The following PCDHGB3 variants were observed in gnomAD, a reference collection of about 807,000 sequenced individuals.
PCDHGB3 encodes the protein protocadherin gamma-B3.
PCDHGB3 carries 40 observed loss-of-function variants against 59.2 expected under a neutral mutation model. The ratio of observed to expected loss-of-function variants is 0.68; its 90% CI spans 0.52 to 0.88. The LOEUF is 0.88. PCDHGB3 is among the 40% of genes least tolerant of loss of function. The pLI, the probability that PCDHGB3 is intolerant of heterozygous loss-of-function variation, is 0.00. For missense variants in PCDHGB3, 1,309 were observed against 1,187.9 expected (o/e 1.10, Z -1.50); for synonymous variants, 581 against 503.6 (o/e 1.15, Z -2.06).
chr5:141,404,572 A>G (rs755182149), intron 1 of PCDHGB3: 79 of 1,613,728 alleles, frequency 4.9e-5, no homozygotes, highest in Non-Finnish European at 6.0e-5. Context: ...GTGGAAGCCC[A>G]CCACTTAGCA....
At chr5:141,492,240 C>T (rs1031016944) in intron 1 of PCDHGB3, among the ~76,000 whole-genome samples, 1 of 152,242 alleles carries the variant, frequency 6.6e-6, no homozygotes, top group African/African-American at 2.4e-5. Flanking sequence ...CTGCTGGCCA[C>T]CCCCACGGCC....
At chr5:141,505,554 C>T in intron 3 of PCDHGB3, 73 bp downstream of exon 3, 1 of 1,606,130 alleles carries the variant, frequency 6.2e-7, no homozygotes, top group Non-Finnish European at 8.5e-7. Context: ...AGCCACCATG[C>T]CCACGGACTG....
intron 1 of PCDHGB3, chr5:141,385,051 C>A (rs1222079447): frequency 6.2e-7 from 1 of 1,614,154 alleles, no homozygotes; most frequent in East Asian, 2.2e-5. Flanking sequence ...CAGGCTGCGG[C>A]GCTGGCACAA....
At chr5:141,426,004 C>T (rs573455573) in intron 1 of PCDHGB3, among the ~76,000 whole-genome samples, 10 of 152,264 alleles carry the variant, frequency 6.6e-5, no homozygotes, top group Non-Finnish European at 8.8e-5. Flanking sequence ...CAAAGGCTTC[C>T]GGCTGCAGTT....
intron 2 of PCDHGB3, among the ~76,000 whole-genome samples, chr5:141,495,430 C>A (rs1189953474): frequency 6.6e-6 from 1 of 152,220 alleles, no homozygotes; most frequent in Non-Finnish European, 1.5e-5. Context: ...TCCCACTGTC[C>A]TCTGCCCCTA....
intron 1 of PCDHGB3, chr5:141,393,857 C>G (rs753457502): frequency 6.8e-6 from 11 of 1,613,978 alleles, no homozygotes; most frequent in Non-Finnish European, 9.3e-6. Flanking sequence ...CAGAAGTGAT[C>G]ATTACGTCTT....
At chr5:141,376,448 G>T (rs771215693) in intron 1 of PCDHGB3, 1 of 1,614,174 alleles carries the variant, frequency 6.2e-7, no homozygotes, top group Non-Finnish European at 8.5e-7. Flanking sequence ...TGAGAAAAGC[G>T]AGCCTCTTCT....
chr5:141,455,725 C>T (rs1001661569), intron 1 of PCDHGB3, among the ~76,000 whole-genome samples: 4 of 152,136 alleles, frequency 2.6e-5, no homozygotes, highest in South Asian at 2.1e-4. Context: ...TAATGGCCTG[C>T]ATTTGCATAT....
At chr5:141,466,709 T>C (rs2099127779) in intron 1 of PCDHGB3, among the ~76,000 whole-genome samples, 1 of 152,212 alleles carries the variant, frequency 6.6e-6, no homozygotes, top group Non-Finnish European at 1.5e-5. Flanking sequence ...TGATGTCTGT[T>C]CTTGTTTCCA....
intron 1 of PCDHGB3, chr5:141,384,038 G>C (rs1779701578): frequency 6.2e-7 from 1 of 1,613,110 alleles, no homozygotes; most frequent in East Asian, 2.2e-5. Flanking sequence ...GGAAAGAATG[G>C]TGAGGTGACC....
In PCDHGB3 at chr5:141,476,288, C is replaced by A. The variant is rs1446743849; in HGVS notation, c.2416-18519C>A. 3.1e-6 allele frequency: 5 copies of A among 1,613,980 alleles called. No homozygotes were observed. The highest frequency in any genetic ancestry group is 3.4e-6 in the Non-Finnish European group (4 of 1,180,026). ...CGTGGTCGCGAACCTTGGTTTGGAT[C>A]TCGGTAGCCTCTCAGCCCGCAGGTT... On this transcript the variant is annotated intron_variant, in intron 1 of 3. Coordinates refer to ENST00000576222, the MANE Select transcript of PCDHGB3 (RefSeq NM_018924.5). This position sits in a 1 kb window ranked among gnomAD's most constrained non-coding sequence, Gnocchi z 7.6.
rs1187424114 is a variant in PCDHGB3, at chr5:141,485,341, G to A, written c.2416-9466G>A. On this transcript the variant is annotated intron_variant, in intron 1 of 3. Transcript: ENST00000576222. The surrounding 1 kb of genome is among the most constrained non-coding windows in gnomAD (Gnocchi z 5.7). ...TCGCTCAAGATTTCCTGCTGGATAC[G>A]GACAGTCTGTCAGCTCGCAGGCTGC... 2 of 1,614,118 alleles carry A rather than the reference G, an allele frequency of 1.2e-6. No individual in the cohort carries two copies. The highest frequency in any genetic ancestry group is 1.7e-5 in the Admixed American group (1 of 60,018).
In PCDHGB3 at chr5:141,432,296, G is replaced by A. The variant is rs895669878; in HGVS notation, c.2415+59487G>A. The A allele has an allele frequency of 2.5e-6, 4 of 1,614,106 alleles. No homozygotes were observed. The highest frequency in any genetic ancestry group is 1.1e-5 in the South Asian group (1 of 91,082). The stretch of plus-strand genomic sequence containing the variant: ...CGTGTCCATCAACTCCGACACTGGG[G>A]TACTGTATGCGCTGAGCTCCTTCGA... On this transcript the variant is annotated intron_variant, in intron 1 of 3. Transcript: ENST00000576222. The surrounding 1 kb of genome is among the most constrained non-coding windows in gnomAD (Gnocchi z 6.0).
intron 1 of PCDHGB3, chr5:141,427,830 C>T (rs749612858): frequency 7.8e-6 from 12 of 1,538,204 alleles, no homozygotes; most frequent in African/African-American, 1.4e-5. Flanking sequence ...GGTCGCGCAG[C>T]GTGCCTTCGA....
chr5:141,438,635 T>C (rs1325567714), intron 1 of PCDHGB3, among the ~76,000 whole-genome samples: 9 of 33,420 alleles, frequency 2.7e-4, no homozygotes, highest in East Asian at 1.8e-3. Flanking sequence ...TATATATATA[T>C]ACACACACAC....
chr5:141,392,766 C>A, intron 1 of PCDHGB3: 1 of 1,489,084 alleles, frequency 6.7e-7, no homozygotes, highest in South Asian at 1.4e-5. Flanking sequence ...AAATAAGACC[C>A]ATTTATGCAC....
intron 1 of PCDHGB3, among the ~76,000 whole-genome samples, chr5:141,456,244 T>C (rs1382294283): frequency 6.6e-6 from 1 of 152,144 alleles, no homozygotes; most frequent in East Asian, 1.9e-4. Context: ...GTTAGGAGGC[T>C]TTGGGCGACC....
At chr5:141,375,915 C>A in intron 1 of PCDHGB3, 2 of 1,613,746 alleles carry the variant, frequency 1.2e-6, no homozygotes, top group South Asian at 2.2e-5. Flanking sequence ...CTGCTCAAGG[C>A]CAGCGAGCCA....
intron 1 of PCDHGB3, chr5:141,382,957 C>T (rs1350220102): frequency 6.2e-7 from 1 of 1,606,282 alleles, no homozygotes; most frequent in Non-Finnish European, 8.5e-7. Flanking sequence ...CTCCATCCTC[C>T]TGGGGACCCC....
Sources: allele counts gnomAD v4.1 joint callset (sites outside exome capture counted in the v4.1 genomes callset), GRCh38; gene constraint gnomAD v4.1.1; non-coding constraint Gnocchi (gnomAD v3.1); transcripts MANE v1.5; gene names NCBI Gene and HGNC (gene_info 2026-07-23, HGNC 2026-07-21).